CDH4: variants seen among roughly 807,000 people sequenced by gnomAD.
CDH4 encodes the protein cadherin 4.
In CDH4, 33 loss-of-function variants were observed where a neutral mutation model predicts 86.0. The observed-to-expected ratio is 0.38, with a 90% CI of 0.29 to 0.51. The LOEUF is 0.51. Among genes scored for constraint, CDH4 ranks in the 20% least tolerant of loss-of-function variants. The pLI is 0.86. For synonymous variants in CDH4, 555 were observed against 549.4 expected (o/e 1.01, Z -0.14); for missense variants, 1,114 against 1,307.4 (o/e 0.85, Z 2.28).
intron 8 of CDH4, among the ~76,000 whole-genome samples, chr20:61,905,444 A>G (rs898182968): frequency 6.6e-6 from 1 of 152,228 alleles, no homozygotes; most frequent in Non-Finnish European, 1.5e-5. Context: ...AACAGCAGAC[A>G]ACACCAGGAC....
intron 2 of CDH4, among the ~76,000 whole-genome samples, chr20:61,362,013 T>C (rs1395441250): frequency 6.6e-6 from 1 of 152,072 alleles, no homozygotes; most frequent in Non-Finnish European, 1.5e-5. Context: ...TCTTGCCCAG[T>C]TGGAGCAGCT....
At chr20:61,839,661 G>A (rs1215734209) in intron 4 of CDH4, among the ~76,000 whole-genome samples, 1 of 151,896 alleles carries the variant, frequency 6.6e-6, no homozygotes, top group East Asian at 1.9e-4. Context: ...ACATGTTTGT[G>A]TATGTGTATG....
chr20:61,924,553 G>C, intron 11 of CDH4, 77 bp downstream of exon 11: 1 of 1,513,670 alleles, frequency 6.6e-7, no homozygotes, highest in East Asian at 2.3e-5. Context: ...GGAGGGTGCT[G>C]GCCAGGGAGA....
At chr20:61,710,133 A>T (rs2087874257) in intron 2 of CDH4, among the ~76,000 whole-genome samples, 1 of 152,190 alleles carries the variant, frequency 6.6e-6, no homozygotes, top group African/African-American at 2.4e-5. Flanking sequence ...GCGGGTCTGC[A>T]TAGCCCTAGG....
intron 2 of CDH4, among the ~76,000 whole-genome samples, chr20:61,640,144 C>T (rs2086989802): frequency 6.6e-6 from 1 of 152,210 alleles, no homozygotes; most frequent in Non-Finnish European, 1.5e-5. Flanking sequence ...ATAGCAAGAT[C>T]TCTCTAACTG....
rs1032576790 is a variant in CDH4 at position 61,935,393 on chromosome 20, C to T, written c.2544+1173C>T. 7.2e-5 allele frequency among the ~76,000 whole-genome samples: 11 copies of T among 152,214 alleles called. No individual in the cohort carries two copies. The East Asian group carries it at 1.7e-3, about 24-fold the overall frequency. On this transcript the variant is annotated intron_variant, in intron 15 of 15. Transcript: ENST00000614565. ...GCTGCTCTGACAACATGACGCTTAC[C>T]GTCTATGACATAATAAAAACGTAAA...
intron 2 of CDH4, among the ~76,000 whole-genome samples, chr20:61,693,573 G>T (rs2087683258): frequency 6.6e-6 from 1 of 152,204 alleles, no homozygotes; most frequent in African/African-American, 2.4e-5. Flanking sequence ...TGCCTCCTCT[G>T]CCCTGCGTCC....
rs2087856791 is a variant in CDH4 at position 61,708,515 on chromosome 20, G to C, written c.170-35048G>C. ...CCCCGGGCTCCCAGTTTGACACCCGGCCACACAGCCCTGACTCGTAGCCGG... is the reference window on the plus strand; with the variant it reads ...CCCCGGGCTCCCAGTTTGACACCCGCCCACACAGCCCTGACTCGTAGCCGG... On this transcript the variant is annotated intron_variant, in intron 2 of 15. Coordinates refer to ENST00000614565, the MANE Select transcript of CDH4 (RefSeq NM_001794.5). The surrounding 1 kb of genome is among the most constrained non-coding windows in gnomAD (Gnocchi z 4.5). 6.6e-6 allele frequency among the ~76,000 whole-genome samples: 1 copy of C among 152,136 alleles called. No individual in the cohort carries two copies.
chr20:61,656,694 C>G (rs115619004), intron 2 of CDH4, among the ~76,000 whole-genome samples: 2 of 152,188 alleles, frequency 1.3e-5, no homozygotes, highest in African/African-American at 4.8e-5. Flanking sequence ...CATTCTGCAT[C>G]GAACTGAACC....
chr20:61,383,551 A>G (rs1186562934), intron 2 of CDH4, among the ~76,000 whole-genome samples: 3 of 85,368 alleles, frequency 3.5e-5, no homozygotes, highest in Non-Finnish European at 5.9e-5. Flanking sequence ...ATATGAATAT[A>G]TATGATATAT....
At chr20:61,584,444 TCGCCCTAACAGTTC>T (rs2086454800) in intron 2 of CDH4, among the ~76,000 whole-genome samples, 1 of 152,100 alleles carries the variant, frequency 6.6e-6, no homozygotes, top group Non-Finnish European at 1.5e-5. Context: ...CTAGCTCTTC[TCGCCCTAACAGTTC>T]TGCCTGTTTA....
rs544552177 is a variant in CDH4, at chr20:61,596,690, C to T, written c.170-146873C>T. Among the ~76,000 whole-genome samples, 6 of 152,276 alleles carry T rather than the reference C, an allele frequency of 3.9e-5. No homozygotes were observed. In the East Asian group the frequency reaches 1.2e-3, roughly 29 times the overall value. On this transcript the variant is annotated intron_variant, in intron 2 of 15. Transcript: ENST00000614565. Reference sequence around the variant, plus strand: ...AGCTGTGAACACAACAGATGAGGTCCTGGAAATGCTCAGATTTCATAATAA... The same window carrying T: ...AGCTGTGAACACAACAGATGAGGTCTTGGAAATGCTCAGATTTCATAATAA...
intron 2 of CDH4, among the ~76,000 whole-genome samples, chr20:61,534,604 G>C (rs1044608169): frequency 1.3e-4 from 19 of 150,992 alleles, no homozygotes; most frequent in Admixed American, 3.9e-4. Context: ...CTCTCCTTCT[G>C]CAGGGATCAG....
intron 2 of CDH4, among the ~76,000 whole-genome samples, chr20:61,569,138 G>A (rs957335831): frequency 3.3e-5 from 5 of 152,170 alleles, no homozygotes; most frequent in African/African-American, 1.2e-4. Context: ...GTGAGCAACT[G>A]GCCTTCCCCG....
intron 4 of CDH4, among the ~76,000 whole-genome samples, chr20:61,790,967 C>G (rs1979162233): frequency 6.6e-6 from 1 of 152,254 alleles, no homozygotes; most frequent in Non-Finnish European, 1.5e-5. Context: ...CCCATCCATC[C>G]TCAGTGCTCT....
At position 61,389,751 on chromosome 20, in the gene CDH4, C is replaced by G. The variant is rs1174975443; in HGVS notation, c.169+134814C>G. On this transcript the variant is annotated intron_variant, in intron 2 of 15. Transcript: ENST00000614565. Reference sequence around the variant, plus strand: ...GCTGGGGGTGCTGCGGAACATCCTGCTGTGCAAAGGGCAGACCCCACAACA... The same window carrying G: ...GCTGGGGGTGCTGCGGAACATCCTGGTGTGCAAAGGGCAGACCCCACAACA... 3.9e-5 allele frequency among the ~76,000 whole-genome samples: 6 copies of G among 152,342 alleles called. No individual in the cohort carries two copies. In the South Asian group the frequency reaches 6.2e-4, roughly 16 times the overall value.
At chr20:61,463,220 T>G (rs6121987) in intron 2 of CDH4, among the ~76,000 whole-genome samples, 7 of 152,152 alleles carry the variant, frequency 4.6e-5, no homozygotes, top group African/African-American at 1.4e-4. Context: ...CCTCTTCCCT[T>G]TATAAATTGC....
At chr20:61,729,823 A>G (rs1302317828) in intron 2 of CDH4, among the ~76,000 whole-genome samples, 4 of 152,218 alleles carry the variant, frequency 2.6e-5, no homozygotes, top group Admixed American at 2.6e-4. Flanking sequence ...CATCAAGAAG[A>G]AAAGCCAGAG....
chr20:61,688,485 G>T (rs75837176), intron 2 of CDH4, among the ~76,000 whole-genome samples: 1,574 of 152,328 alleles, frequency 0.01, 29 homozygotes, highest in African/African-American at 0.036. Flanking sequence ...CACGTGCCCT[G>T]CCCTGACAGC....
Sources: gnomAD v4.1 joint callset for allele counts (sites outside exome capture counted in the v4.1 genomes callset) on GRCh38, gnomAD v4.1.1 for gene constraint, Gnocchi (gnomAD v3.1) non-coding constraint, MANE v1.5 for transcripts, NCBI Gene and HGNC (gene_info 2026-07-23, HGNC 2026-07-21) for gene names.